UBE2D1: variants seen among roughly 807,000 people sequenced by gnomAD.
UBE2D1 encodes ubiquitin conjugating enzyme E2 D1.
Under a neutral mutation model 24.6 loss-of-function variants are expected in UBE2D1, and 9 were observed. The observed-to-expected ratio is 0.37, with a 90% CI of 0.22 to 0.64. The LOEUF is 0.64. Ranked by LOEUF, UBE2D1 falls within the 30% of genes least tolerant of loss-of-function variation. The probability of loss-of-function intolerance (pLI) is 0.64; values close to 1 mark genes in which losing one functional copy is unlikely to be tolerated. For synonymous variants in UBE2D1, 57 were observed against 57.6 expected (o/e 0.99, Z 0.04); for missense variants, 87 against 177.1 (o/e 0.49, Z 2.89).
chr10:58,335,132 C>T lies in UBE2D1; in HGVS notation c.-70C>T, dbSNP rs1839886611. On this transcript the variant is annotated 5_prime_UTR_variant, in exon 1 of 7. Coordinates refer to ENST00000373910, the MANE Select transcript of UBE2D1 (RefSeq NM_003338.5). ...CCTAGCTGCCAGCGAGCCCAACCCG[C>T]GACGACCCACGCCCCTGAGCCCCGC... The T allele has an allele frequency of 6.6e-7, 1 of 1,505,396 alleles. No homozygotes were observed. The highest frequency in any genetic ancestry group is 1.2e-5 in the South Asian group (1 of 83,058). 93.3% of individuals were successfully genotyped at this position (1,505,396 alleles called of 1,614,324 possible). A position where few individuals can be genotyped will look rare whatever the true frequency, so the allele number is the denominator to read the frequency against.
intron 6 of UBE2D1, 61 bp from the exon 7 acceptor site, chr10:58,368,659 C>T: frequency 1.6e-6 from 2 of 1,224,672 alleles, no homozygotes; most frequent in Non-Finnish European, 2.3e-6. Flanking sequence ...TTTTATTAGA[C>T]AGATGCTTCT....
intron 1 of UBE2D1, among the ~76,000 whole-genome samples, chr10:58,355,421 C>T (rs374003747): frequency 1.3e-5 from 2 of 152,090 alleles, no homozygotes; most frequent in Non-Finnish European, 2.9e-5. Context: ...GTATCGGAAG[C>T]AGTTACAATT....
Position 58,360,867 on chromosome 10 carries a change from G to C in UBE2D1, c.25-471G>C, listed in dbSNP as rs868635171. On this transcript the variant is annotated intron_variant, in intron 1 of 6. Coordinates refer to ENST00000373910, the MANE Select transcript of UBE2D1 (RefSeq NM_003338.5). The stretch of plus-strand genomic sequence containing the variant: ...TTAGGCCCAGGAGGTTGAGGCTGCA[G>C]TGAGCTTTCGTGCCACTGCACTCCA... 3.9e-5 allele frequency: 16 copies of C among 415,496 alleles called. 1 individual carries two copies. In the Middle Eastern group the frequency reaches 6.4e-3, roughly 165 times the overall value. The allele number at this position is 415,496 out of a possible 1,614,324, so 25.7% of individuals were successfully genotyped here. A position where few individuals can be genotyped will look rare whatever the true frequency, so the allele number is the denominator to read the frequency against.
intron 1 of UBE2D1, among the ~76,000 whole-genome samples, chr10:58,358,005 A>AAAT (rs199738140): frequency 0.014 from 2,176 of 152,158 alleles, 50 homozygotes; most frequent in African/African-American, 0.05. Context: ...AGTGCATCAA[A>AAAT]AATAATAATA....
rs924533153 is a variant in UBE2D1 at position 58,344,505 on chromosome 10, G to GT, written c.24+9291dup. Among the ~76,000 whole-genome samples the GT allele has an allele frequency of 4.1e-3, 592 of 144,470 alleles. 1 individual carries two copies. Among genetic ancestry groups the GT allele is most frequent in the African/African-American group, 0.01 (405 of 39,650 alleles). The allele number at this position is 144,470 out of a possible 152,430, so 94.8% of individuals were successfully genotyped here. ...GGCAAACCTAAATAATGTATTTGCT[G>GT]TTTTTTTTTTTGCAGCAAACAACAG... is the stretch of plus-strand genomic sequence containing the variant. On this transcript the variant is annotated intron_variant, in intron 1 of 6. Transcript: ENST00000373910.
chr10:58,361,210 G>A, intron 1 of UBE2D1, 128 bp from the exon 2 acceptor site: 4 of 922,606 alleles, frequency 4.3e-6, no homozygotes, highest in Non-Finnish European at 6.6e-6. Context: ...TACAATTTAT[G>A]TTTTTATATT....
At chr10:58,342,980 C>T (rs566646040) in intron 1 of UBE2D1, among the ~76,000 whole-genome samples, 1 of 151,912 alleles carries the variant, frequency 6.6e-6, no homozygotes, top group Non-Finnish European at 1.5e-5. Context: ...CAGGCGCCCA[C>T]CACCACACCC....
intron 1 of UBE2D1, among the ~76,000 whole-genome samples, chr10:58,342,491 TTGGA>T (rs1388283010): frequency 6.6e-6 from 1 of 152,086 alleles, no homozygotes; most frequent in African/African-American, 2.4e-5. Flanking sequence ...AGTAGTATGG[TTGGA>T]TTGTCTAGAG....
intron 1 of UBE2D1, among the ~76,000 whole-genome samples, chr10:58,359,313 G>A (rs369875178): frequency 2.0e-4 from 30 of 152,248 alleles, no homozygotes; most frequent in African/African-American, 6.7e-4. Context: ...TAAATTGGCA[G>A]CATTTTTTCT....
At chr10:58,368,258 A>T in intron 6 of UBE2D1, 1 of 347,852 alleles carries the variant, frequency 2.9e-6, no homozygotes, top group Non-Finnish European at 5.2e-6. Flanking sequence ...AGATGTATAT[A>T]TTCTAGGTGA....
At chr10:58,342,345 T>G (rs1839969843) in intron 1 of UBE2D1, among the ~76,000 whole-genome samples, 2 of 151,906 alleles carry the variant, frequency 1.3e-5, no homozygotes, top group African/African-American at 4.8e-5. Context: ...GATTCCTGGG[T>G]TTTTTTTCAG....
chr10:58,349,903 A>G (rs1188031079), intron 1 of UBE2D1, among the ~76,000 whole-genome samples: 1 of 152,164 alleles, frequency 6.6e-6, no homozygotes, highest in African/African-American at 2.4e-5. Flanking sequence ...GGAATCATAC[A>G]GTATGTATCT....
chr10:58,355,390 T>C (rs899278610), intron 1 of UBE2D1, among the ~76,000 whole-genome samples: 1 of 152,242 alleles, frequency 6.6e-6, no homozygotes, highest in African/African-American at 2.4e-5. Flanking sequence ...AAGATTTTTT[T>C]TATTGCAAGT....
intron 1 of UBE2D1, 152 bp downstream of exon 1, chr10:58,335,377 C>A: frequency 1.0e-6 from 1 of 965,210 alleles, no homozygotes; most frequent in Non-Finnish European, 1.4e-6. Context: ...GCCGGGCCAG[C>A]GGGCATCGGA....
At chr10:58,347,228 C>T (rs570901110) in intron 1 of UBE2D1, among the ~76,000 whole-genome samples, 1 of 152,278 alleles carries the variant, frequency 6.6e-6, no homozygotes, top group South Asian at 2.1e-4. Context: ...GAAGGAGAAT[C>T]TGAACAATTT....
chr10:58,356,551 AT>A (rs1840133441), intron 1 of UBE2D1, among the ~76,000 whole-genome samples: 1 of 152,126 alleles, frequency 6.6e-6, no homozygotes, highest in Admixed American at 6.6e-5. Flanking sequence ...AAATATCCTT[AT>A]ATATGTATCT....
intron 1 of UBE2D1, among the ~76,000 whole-genome samples, chr10:58,359,013 TAAAAAAA>T (rs35713196): frequency 3.8e-4 from 44 of 115,168 alleles, no homozygotes; most frequent in Non-Finnish European, 6.7e-4. Context: ...ACCAGCTATT[TAAAAAAA>T]AAAAAAAAAA....
chr10:58,338,662 C>G (rs1035824836), intron 1 of UBE2D1, among the ~76,000 whole-genome samples: 3 of 151,176 alleles, frequency 2.0e-5, no homozygotes, highest in African/African-American at 7.3e-5. Context: ...GTTTTGAAAA[C>G]TAAAGGGCAA....
chr10:58,352,955 G>T (rs1015892660), intron 1 of UBE2D1, among the ~76,000 whole-genome samples: 3 of 152,104 alleles, frequency 2.0e-5, no homozygotes, highest in East Asian at 3.9e-4. Flanking sequence ...TTCAGAAGGG[G>T]ACCCTTGAGA....
Sources: allele counts gnomAD v4.1 joint callset (sites outside exome capture counted in the v4.1 genomes callset), GRCh38; gene constraint gnomAD v4.1.1; transcripts MANE v1.5; gene names NCBI Gene and HGNC (gene_info 2026-07-23, HGNC 2026-07-21).